WDFY2: variants seen among roughly 807,000 people sequenced by gnomAD.
WDFY2 encodes the protein WD repeat and FYVE domain-containing protein 2.
In WDFY2, 36 loss-of-function variants were observed where a neutral mutation model predicts 56.4. The observed-to-expected ratio is 0.64, with a 90% CI of 0.49 to 0.84. WDFY2 has a LOEUF of 0.84. Ranked by LOEUF, WDFY2 falls within the 40% of genes least tolerant of loss-of-function variation. WDFY2 has a pLI of 0.00. For synonymous variants in WDFY2, 176 were observed against 183.7 expected (o/e 0.96, Z 0.34); for missense variants, 444 against 512.2 (o/e 0.87, Z 1.29).
intron 6 of WDFY2, among the ~76,000 whole-genome samples, chr13:51,735,269 A>G (rs1952809994): frequency 6.6e-6 from 1 of 152,180 alleles, no homozygotes; most frequent in Non-Finnish European, 1.5e-5. Context: ...AGTTGAGTAA[A>G]CATCTACTGA....
chr13:51,733,467 A>T (rs938035534), intron 6 of WDFY2, among the ~76,000 whole-genome samples: 3 of 152,240 alleles, frequency 2.0e-5, no homozygotes, highest in African/African-American at 7.2e-5. Context: ...GTGACCTTAC[A>T]AGTAGTGGTA....
chr13:51,612,218 T>A (rs751571355), intron 1 of WDFY2, among the ~76,000 whole-genome samples: 1 of 152,172 alleles, frequency 6.6e-6, no homozygotes, highest in Admixed American at 6.5e-5. Context: ...TGATTTCTAG[T>A]CTATGGCCTG....
intron 1 of WDFY2, among the ~76,000 whole-genome samples, chr13:51,658,009 A>T (rs1469083197): frequency 6.6e-6 from 1 of 151,462 alleles, no homozygotes; most frequent in African/African-American, 2.4e-5. Context: ...CTGTCAGTTT[A>T]TTTGTTTTTC....
intron 1 of WDFY2, among the ~76,000 whole-genome samples, chr13:51,655,387 G>GT (rs200704957): frequency 3.9e-4 from 59 of 149,662 alleles, no homozygotes; most frequent in South Asian, 2.8e-3. Context: ...AGTATGCTAT[G>GT]TTTTTTTTTC....
At chr13:51,690,416 A>G (rs1198986272) in intron 3 of WDFY2, among the ~76,000 whole-genome samples, 21 of 140,334 alleles carry the variant, frequency 1.5e-4, no homozygotes, top group Admixed American at 1.2e-3. Context: ...TCATTGTTCA[A>G]TTCCCACCTA....
At chr13:51,724,231 CT>C (rs529903671) in intron 5 of WDFY2, among the ~76,000 whole-genome samples, 2,233 of 108,012 alleles carry the variant, frequency 0.021, 16 homozygotes, top group African/African-American at 0.072. Flanking sequence ...TCTTTTTTAA[CT>C]TTTTTTTTTT....
chr13:51,613,280 C>T lies in WDFY2; in HGVS notation c.137+28456C>T, dbSNP rs114021342. The stretch of plus-strand genomic sequence containing the variant: ...TCCTGGAGCTTACAGCATATGCCCC[C>T]CATCTCCCCTTCTTTCCCAAGCTGA... On this transcript the variant is annotated intron_variant, in intron 1 of 11. Transcript: ENST00000298125. Among the ~76,000 whole-genome samples, 1,377 of 152,208 alleles carry T rather than the reference C, an allele frequency of 9.0e-3. 15 individuals carry two copies. Among genetic ancestry groups the T allele is most frequent in the African/African-American group, 0.031 (1,301 of 41,516 alleles).
chr13:51,764,575 ATGC>A lies in WDFY2; in HGVS notation c.*4814_*4816del, dbSNP rs1953688530. 6.6e-6 allele frequency: 1 copy of A among 152,472 alleles called. No individual in the cohort carries two copies. Among genetic ancestry groups the A allele is most frequent in the African/African-American group, 2.4e-5 (1 of 41,456 alleles). The allele number at this position is 152,472 out of a possible 1,614,324, so 9.4% of individuals were successfully genotyped here. A position where few individuals can be genotyped will look rare whatever the true frequency, so the allele number is the denominator to read the frequency against. ...CCAGAATTGAGCTCGTCACTATCAG[ATGC>A]TGCTGCTCCCTGGCCTCAGAGGAAA... On this transcript the variant is annotated 3_prime_UTR_variant, in exon 12 of 12. Coordinates refer to ENST00000298125, the MANE Select transcript of WDFY2 (RefSeq NM_052950.4).
chr13:51,756,377 T>TC lies in WDFY2; in HGVS notation c.981dup (p.Lys328GlnfsTer13). On this transcript the variant is annotated frameshift_variant, in exon 10 of 12. Transcript: ENST00000298125. LOFTEE classifies it high-confidence loss of function. ...GAAGGCCGTCTGTGGCAAGTGCAGC[T>TC]CCAAGCGCTCCTCCATCCCCCTGAT... is the stretch of plus-strand genomic sequence containing the variant. The TC allele has an allele frequency of 6.2e-7, 1 of 1,614,092 alleles. No individual in the cohort carries two copies. Among genetic ancestry groups the TC allele is most frequent in the Non-Finnish European group, 8.5e-7 (1 of 1,180,000 alleles).
chr13:51,650,224 T>G (rs1593932950), intron 1 of WDFY2, among the ~76,000 whole-genome samples: 1 of 152,264 alleles, frequency 6.6e-6, no homozygotes, highest in East Asian at 1.9e-4. Context: ...TTGTCTGTTA[T>G]TGGTGTATAA....
intron 1 of WDFY2, among the ~76,000 whole-genome samples, chr13:51,612,653 A>G (rs1326533207): frequency 6.6e-6 from 1 of 152,268 alleles, no homozygotes; most frequent in Non-Finnish European, 1.5e-5. Flanking sequence ...GCTTTGGACT[A>G]GTTGGGAATA....
chr13:51,682,392 C>T (rs1178611340), intron 3 of WDFY2, among the ~76,000 whole-genome samples: 2 of 152,216 alleles, frequency 1.3e-5, no homozygotes, highest in African/African-American at 4.8e-5. Context: ...CTCTGCAAAG[C>T]AGGGACTGTG....
At position 51,766,266 on chromosome 13, in the gene WDFY2, TACTA is replaced by T. The variant is rs1203703823; in HGVS notation, c.*6501_*6504del. ...TTTATATGAAATGTACAAAAACCGTTACTAACTGGACAACAGGGAAGGTGCTGGC... is the reference window on the plus strand; with the variant it reads ...TTTATATGAAATGTACAAAAACCGTTACTGGACAACAGGGAAGGTGCTGGC... On this transcript the variant is annotated 3_prime_UTR_variant, in exon 12 of 12. Coordinates refer to ENST00000298125, the MANE Select transcript of WDFY2 (RefSeq NM_052950.4). 1 of 152,338 alleles carries T rather than the reference TACTA, an allele frequency of 6.6e-6. No individual in the cohort carries two copies. Among genetic ancestry groups the T allele is most frequent in the East Asian group, 1.9e-4 (1 of 5,188 alleles). 9.4% of individuals were successfully genotyped at this position (152,338 alleles called of 1,614,324 possible).
At chr13:51,662,861 C>T (rs532024251) in intron 2 of WDFY2, among the ~76,000 whole-genome samples, 1 of 152,268 alleles carries the variant, frequency 6.6e-6, no homozygotes, top group African/African-American at 2.4e-5. Context: ...CGGTGTTCTA[C>T]TAAATAGAGT....
At chr13:51,721,853 C>T (rs746255004) in intron 5 of WDFY2, among the ~76,000 whole-genome samples, 1 of 152,096 alleles carries the variant, frequency 6.6e-6, no homozygotes, top group African/African-American at 2.4e-5. Flanking sequence ...CCAAGAACCA[C>T]GTGACTTTTC....
At chr13:51,717,536 A>C (rs1289936189) in intron 4 of WDFY2, among the ~76,000 whole-genome samples, 2 of 151,962 alleles carry the variant, frequency 1.3e-5, no homozygotes, top group African/African-American at 4.8e-5. Flanking sequence ...TGGTAGATAG[A>C]AGGCTAAAGG....
At chr13:51,720,771 C>T (rs932271418) in intron 5 of WDFY2, among the ~76,000 whole-genome samples, 9 of 152,174 alleles carry the variant, frequency 5.9e-5, no homozygotes, top group Admixed American at 5.9e-4. Context: ...CTTCCTGCTT[C>T]GTAGACAACA....
At chr13:51,752,567 C>A (rs1953262460) in intron 8 of WDFY2, among the ~76,000 whole-genome samples, 1 of 152,246 alleles carries the variant, frequency 6.6e-6, no homozygotes, top group Middle Eastern at 3.4e-3. Context: ...GGGAGAAGGA[C>A]CCAATTCTTT....
chr13:51,711,990 C>T (rs987753595), intron 4 of WDFY2, among the ~76,000 whole-genome samples: 4 of 152,130 alleles, frequency 2.6e-5, no homozygotes, highest in Admixed American at 6.6e-5. Flanking sequence ...CACATGTACA[C>T]GTATGTTTAT....
Sources: allele counts gnomAD v4.1 joint callset (sites outside exome capture counted in the v4.1 genomes callset), GRCh38; gene constraint gnomAD v4.1.1; transcripts MANE v1.5; gene names NCBI Gene and HGNC (gene_info 2026-07-23, HGNC 2026-07-21).